GTF2A2: variants seen among roughly 807,000 people sequenced by gnomAD.
The protein encoded by GTF2A2 is general transcription factor IIA subunit 2, also known as transcription initiation factor IIA subunit 2.
A neutral mutation model predicts 14.3 loss-of-function variants in GTF2A2; 9 were observed. That is an observed-to-expected ratio of 0.63 (90% CI 0.38 to 1.10). GTF2A2 has a LOEUF of 1.10. Among genes scored for constraint, GTF2A2 ranks in the 50% least tolerant of loss-of-function variants. The probability of loss-of-function intolerance (pLI) is 0.01; values close to 1 mark genes in which losing one functional copy is unlikely to be tolerated. For missense variants in GTF2A2, 90 were observed against 124.6 expected, an observed-to-expected ratio of 0.72 and a Z score of 1.32; for synonymous variants, 56 against 46.0, an observed-to-expected ratio of 1.22 and a Z score of -0.88.
intron 3 of GTF2A2, among the ~76,000 whole-genome samples, chr15:59,650,080 A>G (rs1595672574): frequency 2.6e-5 from 4 of 152,216 alleles, no homozygotes; most frequent in Admixed American, 2.6e-4. Flanking sequence ...GACTCTTTCA[A>G]TGGGCACTTA....
chr15:59,639,146 T>TGGAGCCAGTATCTAGGAAAC lies in GTF2A2; in HGVS notation c.305-9_315dup (p.Asn106ValfsTer3). On this transcript the variant is annotated stop_gained and frameshift_variant, in exon 5 of 5. Coordinates refer to ENST00000396060, the MANE Select transcript of GTF2A2 (RefSeq NM_004492.3). LOFTEE classifies it high-confidence loss of function. ...ATTTTTTCTATTCATTCTGTAGTAT[T>TGGAGCCAGTATCTAGGAAAC]GGAGCCAGTATCTAGGAAACAAAAG... 6.9e-7 allele frequency: 1 copy of TGGAGCCAGTATCTAGGAAAC among 1,459,486 alleles called. No individual in the cohort carries two copies. The highest frequency in any genetic ancestry group is 9.6e-7 in the Non-Finnish European group (1 of 1,042,886). The allele number at this position is 1,459,486 out of a possible 1,614,324, so 90.4% of individuals were successfully genotyped here.
intron 3 of GTF2A2, among the ~76,000 whole-genome samples, chr15:59,643,470 G>A (rs1453018045): frequency 2.0e-5 from 3 of 151,970 alleles, no homozygotes; most frequent in Admixed American, 2.0e-4. Context: ...TCCCGCCTCA[G>A]CCTCCCAAAG....
intron 1 of GTF2A2, among the ~76,000 whole-genome samples, chr15:59,654,167 C>A (rs1378935932): frequency 2.6e-5 from 4 of 152,170 alleles, no homozygotes; most frequent in African/African-American, 7.2e-5. Context: ...ATGGCAGCAT[C>A]CCATCTCAGT....
chr15:59,651,457 A>T, intron 2 of GTF2A2: 1 of 152,418 alleles, frequency 6.6e-6, no homozygotes, highest in Non-Finnish European at 1.5e-5. Flanking sequence ...GATTACAGTC[A>T]TGAGCCATGG....
chr15:59,653,239 C>G (rs981458061), intron 1 of GTF2A2, among the ~76,000 whole-genome samples: 3 of 152,118 alleles, frequency 2.0e-5, no homozygotes, highest in African/African-American at 7.2e-5. Context: ...AAAAGGGTGG[C>G]AGCAGTACAC....
At chr15:59,641,528 T>TGGTTCAGATTATGAAGTATATTTA in intron 4 of GTF2A2, among the ~76,000 whole-genome samples, 1 of 152,178 alleles carries the variant, frequency 6.6e-6, no homozygotes, top group East Asian at 1.9e-4. Flanking sequence ...TTAACACAAA[T>TGGTTCAGATTATGAAGTATATTTA]GGTTCAGATT....
Position 59,638,920 on chromosome 15 carries a change from T to C in GTF2A2, c.*212A>G, listed in dbSNP as rs1442131732. The C allele has an allele frequency of 8.3e-6, 4 of 479,378 alleles. No homozygotes were observed. Among genetic ancestry groups the C allele is most frequent in the Middle Eastern group, 5.8e-4 (1 of 1,716 alleles). The allele number at this position is 479,378 out of a possible 1,614,324, so 29.7% of individuals were successfully genotyped here. A position where few individuals can be genotyped will look rare whatever the true frequency, so the allele number is the denominator to read the frequency against. ...AGGTTCTTAGGAAGGCAACAACTTT[T>C]GTCCTTAAAAAAAAGTTATGGTTTT... is the stretch of plus-strand genomic sequence containing the variant. On this transcript the variant is annotated 3_prime_UTR_variant, in exon 5 of 5. Coordinates refer to ENST00000396060, the MANE Select transcript of GTF2A2 (RefSeq NM_004492.3).
intron 4 of GTF2A2, among the ~76,000 whole-genome samples, chr15:59,639,381 C>T (rs1196915252): frequency 6.6e-6 from 1 of 151,840 alleles, no homozygotes; most frequent in East Asian, 1.9e-4. Flanking sequence ...CATATTCATA[C>T]TAGAGTAAAA....
At chr15:59,649,306 T>C (rs1343134282) in intron 3 of GTF2A2, among the ~76,000 whole-genome samples, 1 of 152,220 alleles carries the variant, frequency 6.6e-6, no homozygotes, top group Non-Finnish European at 1.5e-5. Context: ...CAATTATTTA[T>C]AGCTTTTCGA....
rs568615119 is a variant in GTF2A2 at position 59,644,579 on chromosome 15, C to A, written c.178-2317G>T. On this transcript the variant is annotated intron_variant, in intron 3 of 4. Coordinates refer to ENST00000396060, the MANE Select transcript of GTF2A2 (RefSeq NM_004492.3). ...GGGAGATCATTAAAACAGGTAAATA[C>A]GTAGTATAACAGTGCTATGAAAGAG... is the stretch of plus-strand genomic sequence containing the variant. Among the ~76,000 whole-genome samples, 16 of 152,256 alleles carry A rather than the reference C, an allele frequency of 1.1e-4. No homozygotes were observed. In the East Asian group the frequency reaches 2.9e-3, roughly 28 times the overall value.
rs764195352 is a variant in GTF2A2, at chr15:59,652,279, G to A, written c.-2C>T. The A allele has an allele frequency of 1.3e-6, 2 of 1,573,200 alleles. No homozygotes were observed. Among genetic ancestry groups the A allele is most frequent in the South Asian group, 1.1e-5 (1 of 88,510 alleles). On this transcript the variant is annotated 5_prime_UTR_variant, in exon 2 of 5. Transcript: ENST00000396060. ...ATTTCTGTATAACTGATATGCCATG[G>A]CTTAGGAGGAAGAATTTGTTTTTCT...
intron 3 of GTF2A2, chr15:59,644,408 T>G (rs1264677600): frequency 6.6e-6 from 1 of 152,196 alleles, no homozygotes; most frequent in Non-Finnish European, 1.5e-5. Context: ...TTCTAAATAG[T>G]CTATCAAGTG....
At chr15:59,640,480 C>T (rs921780063) in intron 4 of GTF2A2, among the ~76,000 whole-genome samples, 2 of 152,122 alleles carry the variant, frequency 1.3e-5, no homozygotes, top group Admixed American at 6.5e-5. Context: ...ATATGGTAAC[C>T]ACTGGCTAGC....
In GTF2A2 at chr15:59,652,049, TAAAC is replaced by T. The variant is rs1174216663; in HGVS notation, c.72+153_72+156del. 14 of 568,744 alleles carry T rather than the reference TAAAC, an allele frequency of 2.5e-5. 1 individual carries two copies. The highest frequency in any genetic ancestry group is 1.7e-4 in the African/African-American group (9 of 51,448). 35.2% of individuals were successfully genotyped at this position (568,744 alleles called of 1,614,324 possible). On this transcript the variant is annotated intron_variant, in intron 2 of 4. Transcript: ENST00000396060. ...GTGTCCTGTTGTCAGGACAGTGTAA[TAAAC>T]AAGAATTTGAGGTAATTTAATCAGT...
At chr15:59,644,735 G>C (rs1335690875) in intron 3 of GTF2A2, among the ~76,000 whole-genome samples, 1 of 152,180 alleles carries the variant, frequency 6.6e-6, no homozygotes, top group African/African-American at 2.4e-5. Flanking sequence ...ATGGAGAGGA[G>C]GGATAATGGA....
chr15:59,645,602 T>A (rs1374844548), intron 3 of GTF2A2, among the ~76,000 whole-genome samples: 1 of 152,180 alleles, frequency 6.6e-6, no homozygotes, highest in African/African-American at 2.4e-5. Flanking sequence ...CACAAAATTG[T>A]AAGCCTATAA....
chr15:59,647,285 G>C (rs1014238097), intron 3 of GTF2A2, among the ~76,000 whole-genome samples: 3 of 152,034 alleles, frequency 2.0e-5, no homozygotes, highest in Non-Finnish European at 4.4e-5. Context: ...TGTTTGTAGG[G>C]ACAGGGTTTC....
At chr15:59,650,627 A>AACCATT (rs1566933079) in intron 3 of GTF2A2, 42 bp downstream of exon 3, 1 of 1,104,230 alleles carries the variant, frequency 9.1e-7, no homozygotes, top group Non-Finnish European at 1.4e-6. Context: ...GTGTTTTAAC[A>AACCATT]ACCATTGGTA....
chr15:59,648,572 T>G (rs1282481454), intron 3 of GTF2A2, among the ~76,000 whole-genome samples: 1 of 152,080 alleles, frequency 6.6e-6, no homozygotes, highest in Non-Finnish European at 1.5e-5. Context: ...GCTCTCATAC[T>G]TAAGAGGATT....
Sources: allele counts gnomAD v4.1 joint callset (sites outside exome capture counted in the v4.1 genomes callset), GRCh38; gene constraint gnomAD v4.1.1; transcripts MANE v1.5; gene names NCBI Gene and HGNC (gene_info 2026-07-23, HGNC 2026-07-21).